The following F8 variants were observed in gnomAD, a reference collection of about 807,000 sequenced individuals.
F8 encodes coagulation factor VIII.
A neutral mutation model predicts 140.6 loss-of-function variants in F8; 12 were observed. That is an observed-to-expected ratio of 0.09 (90% confidence interval 0.05 to 0.14). The LOEUF (loss-of-function observed/expected upper bound fraction) is 0.14, where lower values mean the gene tolerates loss of function less well. Ranked by LOEUF, F8 falls within the 10% of genes least tolerant of loss-of-function variation. The pLI is 1.00. For synonymous variants in F8, 585 were observed against 614.6 expected (o/e 0.95, Z 0.71); for missense variants, 1,354 against 1,720.7 (o/e 0.79, Z 3.77).
At position 154,931,329 on chromosome X, in the gene F8, C is replaced by T. The variant is rs1438524853; in HGVS notation, c.2461G>A (p.Gly821Arg). The change falls in exon 14 of 26, where the codon GGG becomes AGG. Residue 821 changes from glycine to arginine, a missense_variant. Transcript: ENST00000360256. ...MLLRQSPTPH[G>R]LSLSDLQEAK... ...TCTTGGAGATCAGATAAGGATAGCC[C>T]ATGTGGAGTAGGACTCTGTCGCAAG... 8.3e-7 allele frequency: 1 copy of T among 1,207,751 alleles called. No homozygotes were observed. The highest frequency in any genetic ancestry group is 3.0e-5 in the East Asian group (1 of 33,777).
At chrX:154,880,319 T>C (rs2072850684) in intron 22 of F8, among the ~76,000 whole-genome samples, 1 of 111,639 alleles carries the variant, frequency 9.0e-6, no homozygotes, top group African/African-American at 3.3e-5. Flanking sequence ...CACACTGACC[T>C]TCCTTTTTTT....
At chrX:154,981,506 T>A (rs1318791874) in intron 6 of F8, among the ~76,000 whole-genome samples, 1 of 109,233 alleles carries the variant, frequency 9.2e-6, no homozygotes, top group Non-Finnish European at 1.9e-5. Flanking sequence ...AGTCAGCACC[T>A]TTTCTTATAA....
At chrX:154,894,094 G>A (rs906824516) in intron 22 of F8, among the ~76,000 whole-genome samples, 3 of 111,315 alleles carry the variant, frequency 2.7e-5, no homozygotes, top group Non-Finnish European at 3.8e-5. Context: ...CCTATAGCCC[G>A]GAAGCCCCCA....
chrX:154,851,974 A>G, intron 25 of F8, among the ~76,000 whole-genome samples: 1 of 112,233 alleles, frequency 8.9e-6, no homozygotes, highest in Non-Finnish European at 1.9e-5. Context: ...CATCTAAGAA[A>G]CCATTGCCAA....
chrX:154,840,298 C>A (rs1263627179), intron 25 of F8, among the ~76,000 whole-genome samples: 1 of 111,971 alleles, frequency 8.9e-6, no homozygotes, highest in African/African-American at 3.2e-5. Context: ...TGATCCATTA[C>A]CCTCATTATT....
chrX:155,020,454 G>A (rs1245367865), intron 1 of F8, among the ~76,000 whole-genome samples: 3 of 112,127 alleles, frequency 2.7e-5, no homozygotes, highest in African/African-American at 9.7e-5. Flanking sequence ...CAATCTTGAG[G>A]TGTGGGAAAC....
chrX:154,895,636 G>A (rs2072974793), intron 22 of F8, among the ~76,000 whole-genome samples: 1 of 111,518 alleles, frequency 9.0e-6, no homozygotes, highest in South Asian at 3.7e-4. Context: ...AGCCTTTAAG[G>A]GTCTTGAGCT....
At chrX:154,984,297 A>T (rs2073545160) in intron 6 of F8, among the ~76,000 whole-genome samples, 1 of 111,852 alleles carries the variant, frequency 8.9e-6, no homozygotes, top group Non-Finnish European at 1.9e-5. Context: ...TTGAATCTTT[A>T]TGAAAATAGA....
At chrX:154,906,218 AAAAC>A (rs782237149) in intron 15 of F8, among the ~76,000 whole-genome samples, 198 bp downstream of exon 15, 14 of 111,938 alleles carry the variant, frequency 1.3e-4, no homozygotes, top group African/African-American at 4.2e-4. Flanking sequence ...ATTTAGTAAA[AAAAC>A]AAGAATCAGA....
At position 154,843,904 on chromosome X, in the gene F8, TA is replaced by T. The variant is rs782631278; in HGVS notation, c.6901-6153del. Among the ~76,000 whole-genome samples the T allele has an allele frequency of 7.3e-3, 816 of 111,712 alleles. 12 individuals carry two copies. Among genetic ancestry groups the T allele is most frequent in the African/African-American group, 0.024 (742 of 30,698 alleles). ...GAATGGTATTGCCTAGGTTTTCTTCTAGGGTTTTTATGGTTTTAGGTCTAAC... is the reference window on the plus strand; with the variant it reads ...GAATGGTATTGCCTAGGTTTTCTTCTGGGTTTTTATGGTTTTAGGTCTAAC... On this transcript the variant is annotated intron_variant, in intron 25 of 25. Transcript: ENST00000360256.
chrX:154,849,608 C>T (rs782773963), intron 25 of F8, among the ~76,000 whole-genome samples: 32 of 109,650 alleles, frequency 2.9e-4, no homozygotes, highest in African/African-American at 1.0e-3. Flanking sequence ...GCTTTTTTAT[C>T]AATCTGACAA....
intron 6 of F8, among the ~76,000 whole-genome samples, chrX:154,974,186 C>T (rs1045698624): frequency 1.8e-5 from 2 of 111,802 alleles, no homozygotes; most frequent in African/African-American, 6.5e-5. Context: ...GCTAGGACTT[C>T]CAGTACTGTG....
intron 21 of F8, chrX:154,897,483 A>G (rs782593370): frequency 8.9e-6 from 1 of 112,456 alleles, no homozygotes; most frequent in Non-Finnish European, 1.9e-5. Context: ...CTTATATCAT[A>G]TATGTTTTTA....
intron 22 of F8, among the ~76,000 whole-genome samples, chrX:154,876,771 G>C (rs1410143754): frequency 9.0e-6 from 1 of 110,995 alleles, no homozygotes; most frequent in Non-Finnish European, 1.9e-5. Context: ...GGGTGGGATG[G>C]TGCAAAATCA....
intron 25 of F8, among the ~76,000 whole-genome samples, chrX:154,845,040 T>C (rs1406970743): frequency 8.9e-6 from 1 of 111,915 alleles, no homozygotes; most frequent in Non-Finnish European, 1.9e-5. Flanking sequence ...TCTGCATCTA[T>C]TGAGATAATC....
chrX:155,007,844 G>A (rs181392058), intron 1 of F8, among the ~76,000 whole-genome samples: 134 of 110,329 alleles, frequency 1.2e-3, no homozygotes, highest in African/African-American at 4.2e-3. Flanking sequence ...TGCCAAAAAG[G>A]TTGGGGATTG....
At chrX:154,978,930 G>A (rs898634899) in intron 6 of F8, among the ~76,000 whole-genome samples, 1 of 111,449 alleles carries the variant, frequency 9.0e-6, no homozygotes, top group Admixed American at 9.5e-5. Context: ...GTTTTTCTGA[G>A]AAGTGGGATG....
chrX:154,885,050 A>AT, intron 22 of F8: 1 of 571,346 alleles, frequency 1.8e-6, no homozygotes, highest in Non-Finnish European at 2.4e-6. Flanking sequence ...AACGCCCAGC[A>AT]TGCCGAGGAG....
At chrX:154,918,403 T>C (rs2073110878) in intron 14 of F8, among the ~76,000 whole-genome samples, 1 of 111,174 alleles carries the variant, frequency 9.0e-6, no homozygotes, top group Non-Finnish European at 1.9e-5. Context: ...AGGATTTTTT[T>C]ACCCTAGAGG....
Sources: allele counts gnomAD v4.1 joint callset (sites outside exome capture counted in the v4.1 genomes callset), GRCh38; gene constraint gnomAD v4.1.1; transcripts MANE v1.5; gene names NCBI Gene and HGNC (gene_info 2026-07-23, HGNC 2026-07-21).